Variants in LRRC4C observed in about 807,000 individuals in gnomAD.
LRRC4C encodes the protein leucine rich repeat containing 4C, also known as leucine-rich repeat-containing protein 4C.
A neutral mutation model predicts 33.6 loss-of-function variants in LRRC4C; 5 were observed. The observed-to-expected ratio is 0.15, with a 90% CI of 0.08 to 0.31. The LOEUF is 0.31. Ranked by LOEUF, LRRC4C falls within the 10% of genes least tolerant of loss-of-function variation. The pLI, the probability that LRRC4C is intolerant of heterozygous loss-of-function variation, is 1.00. For missense variants in LRRC4C, 560 were observed against 796.7 expected (o/e 0.70, Z 3.58); for synonymous variants, 329 against 302.0 (o/e 1.09, Z -0.93).
At chr11:41,166,512 A>T (rs543423391) in intron 1 of LRRC4C, among the ~76,000 whole-genome samples, 10 of 152,316 alleles carry the variant, frequency 6.6e-5, no homozygotes, top group African/African-American at 2.4e-4. Flanking sequence ...TAAAATAAAG[A>T]TCGGGTTTTT....
intron 2 of LRRC4C, among the ~76,000 whole-genome samples, chr11:40,930,735 G>T (rs1286486416): frequency 6.6e-6 from 1 of 152,116 alleles, no homozygotes; most frequent in East Asian, 1.9e-4. Context: ...ATGATACAGT[G>T]ATCCATATGA....
intron 2 of LRRC4C, among the ~76,000 whole-genome samples, chr11:40,871,367 G>A (rs552978686): frequency 8.5e-4 from 129 of 152,036 alleles, no homozygotes; most frequent in African/African-American, 3.0e-3. Context: ...ACGGCTCAGG[G>A]GGCATCACAG....
At chr11:40,176,189 T>G (rs537773456) in intron 5 of LRRC4C, among the ~76,000 whole-genome samples, 6 of 152,324 alleles carry the variant, frequency 3.9e-5, no homozygotes, top group South Asian at 4.1e-4. Context: ...TCACCTAGTT[T>G]CAAAGAGGTT....
intron 2 of LRRC4C, among the ~76,000 whole-genome samples, chr11:40,853,745 T>C (rs1022026613): frequency 6.6e-6 from 1 of 152,154 alleles, no homozygotes; most frequent in Non-Finnish European, 1.5e-5. Context: ...CTGAACAGGG[T>C]GAACTGTGTT....
chr11:40,596,871 A>G (rs185637556), intron 3 of LRRC4C, among the ~76,000 whole-genome samples: 5 of 152,324 alleles, frequency 3.3e-5, no homozygotes, highest in Admixed American at 3.3e-4. Context: ...TGGAATCAAT[A>G]TAAGTGTCCA....
intron 1 of LRRC4C, among the ~76,000 whole-genome samples, chr11:41,454,135 C>T (rs1271689454): frequency 2.0e-5 from 3 of 152,004 alleles, no homozygotes; most frequent in Admixed American, 6.6e-5. Flanking sequence ...TTTGCAGTAC[C>T]GAAATACCTG....
intron 3 of LRRC4C, among the ~76,000 whole-genome samples, chr11:40,431,580 C>T (rs1308341428): frequency 6.6e-6 from 1 of 151,882 alleles, no homozygotes; most frequent in African/African-American, 2.4e-5. Context: ...CCTTTCTTTC[C>T]TTTTTCTTAA....
chr11:41,030,202 G>T (rs1184925637), intron 1 of LRRC4C, among the ~76,000 whole-genome samples: 1 of 151,894 alleles, frequency 6.6e-6, no homozygotes, highest in Non-Finnish European at 1.5e-5. Context: ...CAGTGAAAAA[G>T]GCAGAGCTGT....
At chr11:40,327,678 G>T (rs1210982019) in intron 3 of LRRC4C, among the ~76,000 whole-genome samples, 1 of 151,878 alleles carries the variant, frequency 6.6e-6, no homozygotes, top group Non-Finnish European at 1.5e-5. Context: ...CACTGGGCCA[G>T]GTGTTGGTGA....
chr11:40,832,196 T>C (rs1952447105), intron 2 of LRRC4C, among the ~76,000 whole-genome samples: 1 of 152,042 alleles, frequency 6.6e-6, no homozygotes, highest in Admixed American at 6.6e-5. Flanking sequence ...AATACAATGG[T>C]AAGTATTGTT....
intron 1 of LRRC4C, among the ~76,000 whole-genome samples, chr11:41,277,399 T>C (rs970022253): frequency 6.6e-6 from 1 of 152,190 alleles, no homozygotes; most frequent in Non-Finnish European, 1.5e-5. Context: ...AGTATCTAAG[T>C]ATATTATTTC....
chr11:40,649,872 T>A (rs1338462713), intron 2 of LRRC4C, among the ~76,000 whole-genome samples: 1 of 152,152 alleles, frequency 6.6e-6, no homozygotes, highest in Non-Finnish European at 1.5e-5. Context: ...CCATTCAGGG[T>A]CCCTGACTTC....
At chr11:40,933,087 T>C (rs753403669) in intron 2 of LRRC4C, among the ~76,000 whole-genome samples, 1 of 152,096 alleles carries the variant, frequency 6.6e-6, no homozygotes, top group Non-Finnish European at 1.5e-5. Context: ...GCGTGGCAAA[T>C]AAAGCTAAGT....
At chr11:40,234,057 T>C (rs764682313) in intron 5 of LRRC4C, among the ~76,000 whole-genome samples, 9 of 152,198 alleles carry the variant, frequency 5.9e-5, no homozygotes, top group South Asian at 4.1e-4. Context: ...CCCAAGGTCA[T>C]ACAGTTAACA....
chr11:40,946,507 C>T (rs188014050), intron 1 of LRRC4C, among the ~76,000 whole-genome samples: 1 of 152,290 alleles, frequency 6.6e-6, no homozygotes, highest in African/African-American at 2.4e-5. Flanking sequence ...TGAGAAGTCT[C>T]TAAACCGCTT....
chr11:40,466,101 T>C (rs1011128395), intron 3 of LRRC4C, among the ~76,000 whole-genome samples: 6 of 152,114 alleles, frequency 3.9e-5, no homozygotes, highest in African/African-American at 1.4e-4. Context: ...AATGAAATCA[T>C]GTCTTTTGCT....
At chr11:41,191,563 C>T (rs570889686) in intron 1 of LRRC4C, among the ~76,000 whole-genome samples, 2 of 152,214 alleles carry the variant, frequency 1.3e-5, no homozygotes, top group South Asian at 2.1e-4. Context: ...TTAGAAAGAA[C>T]TCATTGCAAA....
intron 1 of LRRC4C, among the ~76,000 whole-genome samples, chr11:41,397,903 G>A (rs1374763426): frequency 6.6e-6 from 1 of 151,754 alleles, no homozygotes; most frequent in East Asian, 2.0e-4. Flanking sequence ...TTACCTTATA[G>A]CTAATTCTCT....
intron 5 of LRRC4C, among the ~76,000 whole-genome samples, chr11:40,164,848 A>G (rs908885894): frequency 6.6e-6 from 1 of 152,228 alleles, no homozygotes; most frequent in African/African-American, 2.4e-5. Context: ...ATGTATCAAT[A>G]TATCATATGC....
Sources: gnomAD v4.1 joint callset for allele counts (sites outside exome capture counted in the v4.1 genomes callset) on GRCh38, gnomAD v4.1.1 for gene constraint, MANE v1.5 for transcripts, NCBI Gene and HGNC (gene_info 2026-07-23, HGNC 2026-07-21) for gene names.